CACNA2D1: variants seen among roughly 807,000 people sequenced by gnomAD.
CACNA2D1 encodes calcium voltage-gated channel auxiliary subunit alpha2delta 1, also known as voltage-dependent calcium channel subunit alpha-2/delta-1.
Under a neutral mutation model 171.5 loss-of-function variants are expected in CACNA2D1, and 53 were observed. The observed-to-expected ratio is 0.31, with a 90% CI of 0.25 to 0.39. The LOEUF (loss-of-function observed/expected upper bound fraction) is 0.39. Ranked by LOEUF, CACNA2D1 falls within the 10% of genes least tolerant of loss-of-function variation. CACNA2D1 has a pLI of 1.00. For missense variants in CACNA2D1, 903 were observed against 1,299.8 expected (o/e 0.69, Z 4.69); for synonymous variants, 442 against 443.1 (o/e 1.00, Z 0.03).
intron 5 of CACNA2D1, among the ~76,000 whole-genome samples, chr7:82,133,175 A>C (rs1472892313): frequency 1.3e-5 from 2 of 152,208 alleles, no homozygotes; most frequent in Non-Finnish European, 2.9e-5. Flanking sequence ...CAAATGCAAT[A>C]AATATTTACA....
At chr7:82,338,381 T>C (rs2129444680) in intron 2 of CACNA2D1, among the ~76,000 whole-genome samples, 1 of 152,142 alleles carries the variant, frequency 6.6e-6, no homozygotes, top group Non-Finnish European at 1.5e-5. Context: ...TTGCCCAGGC[T>C]GGGGTGCAAT....
chr7:82,399,521 A>G (rs565249269), intron 1 of CACNA2D1, among the ~76,000 whole-genome samples: 2 of 152,310 alleles, frequency 1.3e-5, no homozygotes, highest in South Asian at 4.1e-4. Context: ...ACAATTTAGA[A>G]AAAAAGTTCT....
At chr7:82,270,037 T>C (rs1286771231) in intron 3 of CACNA2D1, among the ~76,000 whole-genome samples, 1 of 152,184 alleles carries the variant, frequency 6.6e-6, no homozygotes, top group Non-Finnish European at 1.5e-5. Flanking sequence ...TATTTTGTTA[T>C]ACAGTTCTGC....
intron 6 of CACNA2D1, among the ~76,000 whole-genome samples, chr7:82,088,721 A>T (rs1810781801): frequency 1.3e-5 from 2 of 152,164 alleles, no homozygotes; most frequent in South Asian, 4.1e-4. Flanking sequence ...TATGTATAAC[A>T]GGTGAATGGT....
intron 1 of CACNA2D1, among the ~76,000 whole-genome samples, chr7:82,377,830 A>G (rs1187708280): frequency 6.6e-6 from 1 of 152,176 alleles, no homozygotes; most frequent in African/African-American, 2.4e-5. Flanking sequence ...TTGATGTTAA[A>G]AACAAAACAA....
At position 82,125,470 on chromosome 7, in the gene CACNA2D1, C is replaced by A. The variant is rs192952772; in HGVS notation, c.397-8297G>T. ...TCTTTTGAAACCTAAACTAGGAATC[C>A]AAATAAATTTCAAAACTAATGATAA... On this transcript the variant is annotated intron_variant, in intron 5 of 38. Coordinates refer to ENST00000356860, the MANE Select transcript of CACNA2D1 (RefSeq NM_000722.4). Among the ~76,000 whole-genome samples, 26 of 152,272 alleles carry A rather than the reference C, an allele frequency of 1.7e-4. No homozygotes were observed. The East Asian group carries it at 1.9e-3, about 11-fold the overall frequency.
At chr7:82,360,013 CT>C (rs1036870050) in intron 1 of CACNA2D1, among the ~76,000 whole-genome samples, 1 of 152,180 alleles carries the variant, frequency 6.6e-6, no homozygotes, top group African/African-American at 2.4e-5. Flanking sequence ...GGTTAAGTTA[CT>C]TACCAAAGGA....
At chr7:82,293,604 C>T (rs1378605589) in intron 3 of CACNA2D1, among the ~76,000 whole-genome samples, 1 of 152,184 alleles carries the variant, frequency 6.6e-6, no homozygotes, top group Admixed American at 6.5e-5. Context: ...GGGTATCTCA[C>T]ACCTCAAAGA....
chr7:82,310,630 C>T (rs1172766785), intron 3 of CACNA2D1, among the ~76,000 whole-genome samples: 1 of 151,694 alleles, frequency 6.6e-6, no homozygotes, highest in African/African-American at 2.4e-5. Flanking sequence ...CTTGGGTTTA[C>T]CTTTTAGGAA....
At chr7:82,175,865 G>A (rs372288071) in intron 3 of CACNA2D1, among the ~76,000 whole-genome samples, 45 of 151,960 alleles carry the variant, frequency 3.0e-4, no homozygotes, top group African/African-American at 1.0e-3. Flanking sequence ...ACATGAACCC[G>A]TAGAATAGGC....
intron 4 of CACNA2D1, among the ~76,000 whole-genome samples, chr7:82,146,190 T>C (rs577991573): frequency 2.0e-5 from 3 of 151,874 alleles, no homozygotes; most frequent in African/African-American, 7.2e-5. Context: ...GATACTCATG[T>C]ACTACAGCCC....
rs200185629 is a variant in CACNA2D1 at position 82,333,000 on chromosome 7, AAAAC to A, written c.294+2131_294+2134del. 2.4e-3 allele frequency among the ~76,000 whole-genome samples: 372 copies of A among 152,370 alleles called. 3 individuals are homozygous for A. The highest frequency in any genetic ancestry group is 8.4e-3 in the African/African-American group (351 of 41,594). On this transcript the variant is annotated intron_variant, in intron 3 of 38. Transcript: ENST00000356860. ...GGCAATGAAGTGAGACGCTGTCTCAAAAACAAACAAAGAATAAGAGGAGCTAAAC... is the reference window on the plus strand; with the variant it reads ...GGCAATGAAGTGAGACGCTGTCTCAAAAACAAAGAATAAGAGGAGCTAAAC...
chr7:82,258,817 C>CTTTTTTTTTTTTTTTTTTTTTT lies in CACNA2D1; in HGVS notation c.294+76296_294+76317dup, dbSNP rs201927487. Among the ~76,000 whole-genome samples the CTTTTTTTTTTTTTTTTTTTTTT allele has an allele frequency of 5.2e-4, 38 of 72,626 alleles. 5 individuals are homozygous for CTTTTTTTTTTTTTTTTTTTTTT. The highest frequency in any genetic ancestry group is 8.6e-4 in the African/African-American group (16 of 18,634). The allele number at this position is 72,626 out of a possible 152,430, so 47.6% of individuals were successfully genotyped here. ...ATTTCTTTCTTTCTTTCTTACTTTTCTTTTTTTTTTTTTTTTTTTTTTGAG... is the reference window on the plus strand; with the variant it reads ...ATTTCTTTCTTTCTTTCTTACTTTTCTTTTTTTTTTTTTTTTTTTTTTTTTTTTTTTTTTTTTTTTTTTTGAG... On this transcript the variant is annotated intron_variant, in intron 3 of 38. Transcript: ENST00000356860.
chr7:82,107,724 C>T (rs147041350), intron 6 of CACNA2D1, among the ~76,000 whole-genome samples: 12,315 of 151,620 alleles, frequency 0.081, 592 homozygotes, highest in South Asian at 0.16. Context: ...GCTGGGATTA[C>T]AAGCACACAT....
intron 10 of CACNA2D1, among the ~76,000 whole-genome samples, chr7:82,060,160 T>C (rs546306647): frequency 2.9e-5 from 1 of 34,648 alleles, no homozygotes; most frequent in African/African-American, 9.8e-5. Flanking sequence ...GTATTATATA[T>C]ATATAATATA....
At chr7:82,170,948 T>C (rs1795953912) in intron 3 of CACNA2D1, among the ~76,000 whole-genome samples, 4 of 152,058 alleles carry the variant, frequency 2.6e-5, no homozygotes, top group African/African-American at 7.2e-5. Flanking sequence ...TTTCATAGAA[T>C]CTTATTTTTA....
chr7:81,974,627 C>T (rs1382341043), intron 24 of CACNA2D1, 75 bp from the exon 25 acceptor site: 2 of 709,744 alleles, frequency 2.8e-6, no homozygotes, highest in Non-Finnish European at 4.5e-6. Context: ...AGTGAAAACA[C>T]TATTTTTTTT....
intron 3 of CACNA2D1, among the ~76,000 whole-genome samples, chr7:82,211,326 C>A (rs1681905331): frequency 6.6e-6 from 1 of 151,990 alleles, no homozygotes; most frequent in South Asian, 2.1e-4. Flanking sequence ...AGCACACTAC[C>A]CAATTGGTAG....
chr7:82,165,592 C>T (rs1420882484), intron 4 of CACNA2D1, among the ~76,000 whole-genome samples: 3 of 151,964 alleles, frequency 2.0e-5, no homozygotes, highest in African/African-American at 4.8e-5. Flanking sequence ...GGCATTTATA[C>T]GTATGCATGA....
Sources: allele counts gnomAD v4.1 joint callset (sites outside exome capture counted in the v4.1 genomes callset), GRCh38; gene constraint gnomAD v4.1.1; transcripts MANE v1.5; gene names NCBI Gene and HGNC (gene_info 2026-07-23, HGNC 2026-07-21).